BAALC: variants seen among roughly 807,000 people sequenced by gnomAD.
BAALC encodes BAALC binder of MAP3K1 and KLF4, also known as brain and acute leukemia cytoplasmic protein.
A neutral mutation model predicts 15.5 loss-of-function variants in BAALC; 9 were observed. That is an observed-to-expected ratio of 0.58 (90% confidence interval 0.35 to 1.02). The LOEUF (loss-of-function observed/expected upper bound fraction) is 1.02. Among genes scored for constraint, BAALC ranks in the 50% least tolerant of loss-of-function variants. The pLI is 0.02. For missense variants in BAALC, 201 were observed against 192.4 expected, an observed-to-expected ratio of 1.04 and a Z score of -0.27; for synonymous variants, 80 against 74.6, an observed-to-expected ratio of 1.07 and a Z score of -0.37.
At chr8:103,170,159 G>A (rs1309125797) in intron 1 of BAALC, among the ~76,000 whole-genome samples, 3 of 151,356 alleles carry the variant, frequency 2.0e-5, no homozygotes, top group Non-Finnish European at 4.4e-5. Context: ...TGTTTTAGTG[G>A]TATTTGGGAG....
intron 1 of BAALC, among the ~76,000 whole-genome samples, chr8:103,204,281 T>C (rs1812282347): frequency 6.6e-6 from 1 of 152,212 alleles, no homozygotes; most frequent in Non-Finnish European, 1.5e-5. Context: ...TATTTATCTT[T>C]TTTATTATTG....
chr8:103,158,070 A>G (rs1218797411), intron 1 of BAALC, among the ~76,000 whole-genome samples: 2 of 152,156 alleles, frequency 1.3e-5, no homozygotes, highest in Non-Finnish European at 2.9e-5. Flanking sequence ...TGAGATACAA[A>G]CAACATCTGC....
chr8:103,147,459 A>AAAACATTGC (rs1810900548), intron 1 of BAALC, among the ~76,000 whole-genome samples: 2 of 152,310 alleles, frequency 1.3e-5, no homozygotes, highest in South Asian at 2.1e-4. Context: ...TTTTCTGCAA[A>AAAACATTGC]AAACATTGCA....
chr8:103,145,121 A>C (rs1810852701), intron 1 of BAALC, among the ~76,000 whole-genome samples: 1 of 152,234 alleles, frequency 6.6e-6, no homozygotes, highest in South Asian at 2.1e-4. Context: ...ACTAAACTCA[A>C]AGTCAAGTCT....
rs527907971 is a variant in BAALC, at chr8:103,157,954, T to A, written c.160+16897T>A. ...ATACCATTATCACATCTAAAATTAA[T>A]GAAAATTCCTTAATTCTTAATTCTC... On this transcript the variant is annotated intron_variant, in intron 1 of 2. Transcript: ENST00000309982. Among the ~76,000 whole-genome samples, 14 of 152,352 alleles carry A rather than the reference T, an allele frequency of 9.2e-5. No individual in the cohort carries two copies. The East Asian group carries it at 2.7e-3, about 29-fold the overall frequency.
At chr8:103,205,547 G>A (rs969863436) in intron 1 of BAALC, among the ~76,000 whole-genome samples, 1 of 152,072 alleles carries the variant, frequency 6.6e-6, no homozygotes, top group African/African-American at 2.4e-5. Flanking sequence ...ATGATAGATA[G>A]ATAGATAGAT....
At chr8:103,181,945 A>G (rs922451297) in intron 1 of BAALC, among the ~76,000 whole-genome samples, 2 of 152,232 alleles carry the variant, frequency 1.3e-5, no homozygotes, top group African/African-American at 2.4e-5. Flanking sequence ...ATATATAACC[A>G]TACTTTATAT....
chr8:103,158,753 A>G (rs955883111), intron 1 of BAALC, among the ~76,000 whole-genome samples: 4 of 152,162 alleles, frequency 2.6e-5, no homozygotes, highest in African/African-American at 9.7e-5. Context: ...AAGATATTTC[A>G]TCATGCTACT....
chr8:103,212,667 G>A (rs1311576057), intron 1 of BAALC, among the ~76,000 whole-genome samples: 2 of 152,164 alleles, frequency 1.3e-5, no homozygotes, highest in Admixed American at 1.3e-4. Context: ...TAACATGGCA[G>A]AATATTTAAT....
At chr8:103,224,605 C>T (rs886605260) in intron 2 of BAALC, among the ~76,000 whole-genome samples, 1 of 151,912 alleles carries the variant, frequency 6.6e-6, no homozygotes, top group African/African-American at 2.4e-5. Context: ...TCAGGGAGAG[C>T]AGGTTGTAAA....
chr8:103,205,508 G>A (rs748572999), intron 1 of BAALC, among the ~76,000 whole-genome samples: 1 of 152,108 alleles, frequency 6.6e-6, no homozygotes, highest in African/African-American at 2.4e-5. Flanking sequence ...AAACTAACAC[G>A]AGTGTTGATC....
intron 1 of BAALC, among the ~76,000 whole-genome samples, chr8:103,206,940 G>C (rs1450451558): frequency 6.6e-6 from 1 of 152,174 alleles, no homozygotes; most frequent in East Asian, 1.9e-4. Flanking sequence ...CCCACCAACA[G>C]GTATTTTTAG....
At chr8:103,202,747 A>T (rs1363186558) in intron 1 of BAALC, 1 of 152,272 alleles carries the variant, frequency 6.6e-6, no homozygotes, top group East Asian at 1.9e-4. Flanking sequence ...GCTGAATTTC[A>T]TGACCGAGTT....
intron 1 of BAALC, among the ~76,000 whole-genome samples, chr8:103,165,115 T>C (rs1175640857): frequency 6.6e-6 from 1 of 152,226 alleles, no homozygotes; most frequent in Non-Finnish European, 1.5e-5. Flanking sequence ...TGTGACTGTT[T>C]AGCTGCATGA....
chr8:103,161,729 C>T (rs751307846), intron 1 of BAALC, among the ~76,000 whole-genome samples: 7 of 152,198 alleles, frequency 4.6e-5, no homozygotes, highest in Non-Finnish European at 1.0e-4. Flanking sequence ...TGCCATTTTG[C>T]ATTCCCATCA....
chr8:103,216,373 A>C (rs1057289687), intron 2 of BAALC, among the ~76,000 whole-genome samples: 1 of 152,216 alleles, frequency 6.6e-6, no homozygotes, highest in Non-Finnish European at 1.5e-5. Context: ...TTTATACTCT[A>C]ACTAGCAGTG....
intron 1 of BAALC, among the ~76,000 whole-genome samples, chr8:103,156,237 A>G (rs764824871): frequency 6.6e-6 from 1 of 152,244 alleles, no homozygotes; most frequent in Non-Finnish European, 1.5e-5. Flanking sequence ...CATGCTGAAC[A>G]CTCAAATAAT....
rs145292254 is a variant in BAALC at position 103,223,290 on chromosome 8, G to A, written c.328-4699G>A. Among the ~76,000 whole-genome samples the A allele has an allele frequency of 1.6e-3, 245 of 151,804 alleles. 1 individual carries two copies. Among genetic ancestry groups the A allele is most frequent in the African/African-American group, 5.2e-3 (216 of 41,442 alleles). On this transcript the variant is annotated intron_variant, in intron 2 of 2. Transcript: ENST00000309982. ...GCCACTGCACTCCAGCCTTGTGACA[G>A]AGAGAGACTGTCTCAAAACAAAACA... is the stretch of plus-strand genomic sequence containing the variant.
At chr8:103,204,422 T>C (rs770885434) in intron 1 of BAALC, among the ~76,000 whole-genome samples, 4 of 152,368 alleles carry the variant, frequency 2.6e-5, no homozygotes, top group African/African-American at 4.8e-5. Context: ...TCAGTTTTGA[T>C]AATGCTCATT....
Sources: gnomAD v4.1 joint callset for allele counts (sites outside exome capture counted in the v4.1 genomes callset) on GRCh38, gnomAD v4.1.1 for gene constraint, MANE v1.5 for transcripts, NCBI Gene and HGNC (gene_info 2026-07-23, HGNC 2026-07-21) for gene names.